The following LARP4 variants were observed in gnomAD, a reference collection of about 807,000 sequenced individuals.
The protein encoded by LARP4 is La ribonucleoprotein 4, also known as la-related protein 4.
Under a neutral mutation model 92.9 loss-of-function variants are expected in LARP4, and 29 were observed. That is an observed-to-expected ratio of 0.31 (90% CI 0.23 to 0.43). The LOEUF is 0.43. LARP4 is among the 20% of genes least tolerant of loss of function. The pLI, the probability that LARP4 is intolerant of heterozygous loss-of-function variation, is 1.00. For missense variants in LARP4, 732 were observed against 860.0 expected (o/e 0.85, Z 1.86); for synonymous variants, 279 against 284.1 (o/e 0.98, Z 0.18).
chr12:50,421,588 T>C (rs1947800109), intron 1 of LARP4, among the ~76,000 whole-genome samples: 1 of 151,946 alleles, frequency 6.6e-6, no homozygotes, highest in South Asian at 2.1e-4. Flanking sequence ...GAGGTTGCAG[T>C]GAGCCAAGAT....
chr12:50,426,970 TC>T (rs1335982193), intron 1 of LARP4, among the ~76,000 whole-genome samples: 3 of 151,974 alleles, frequency 2.0e-5, no homozygotes, highest in Non-Finnish European at 2.9e-5. Flanking sequence ...ACTCATGAGC[TC>T]AAGTGATCCG....
At chr12:50,404,120 G>C (rs576117388) in intron 1 of LARP4, among the ~76,000 whole-genome samples, 4 of 152,168 alleles carry the variant, frequency 2.6e-5, no homozygotes, top group Non-Finnish European at 4.4e-5. Flanking sequence ...CTAGCTACTC[G>C]GGAGGCTAAG....
intron 1 of LARP4, among the ~76,000 whole-genome samples, chr12:50,423,941 A>G (rs962449881): frequency 1.3e-5 from 2 of 151,790 alleles, no homozygotes; most frequent in Non-Finnish European, 2.9e-5. Context: ...TGTTTAGTAG[A>G]GACAGGGTTT....
rs920673890 is a variant in LARP4 at position 50,400,891 on chromosome 12, G to T, written c.-120G>T. Reference sequence around the variant, plus strand: ...CGGCTGACGGCAGGGGAGGAGCCGGGTCCACTGCCGGGTGGAGGGGCAAGG... The same window carrying T: ...CGGCTGACGGCAGGGGAGGAGCCGGTTCCACTGCCGGGTGGAGGGGCAAGG... On this transcript the variant is annotated 5_prime_UTR_variant, in exon 1 of 16. Coordinates refer to ENST00000398473, the MANE Select transcript of LARP4 (RefSeq NM_052879.5). The T allele has an allele frequency of 1.5e-6, 2 of 1,365,300 alleles. No homozygotes were observed. The highest frequency in any genetic ancestry group is 2.1e-6 in the Non-Finnish European group (2 of 953,432). 84.6% of individuals were successfully genotyped at this position (1,365,300 alleles called of 1,614,324 possible). A position where few individuals can be genotyped will look rare whatever the true frequency, so the allele number is the denominator to read the frequency against.
At chr12:50,473,380 C>CT in intron 13 of LARP4, 35 bp from the exon 14 acceptor site, 2 of 1,556,222 alleles carry the variant, frequency 1.3e-6, no homozygotes, top group Non-Finnish European at 1.8e-6. Context: ...GGAAAAAGGT[C>CT]TAAGTGTAAT....
At chr12:50,427,959 G>A in intron 2 of LARP4, 50 bp downstream of exon 2, 1 of 1,284,428 alleles carries the variant, frequency 7.8e-7, no homozygotes, top group East Asian at 2.5e-5. Context: ...TTAAATGTAT[G>A]GCCAAGCAAG....
At chr12:50,469,725 G>A (rs181952367) in intron 13 of LARP4, among the ~76,000 whole-genome samples, 90 of 151,220 alleles carry the variant, frequency 6.0e-4, no homozygotes, top group East Asian at 2.7e-3. Flanking sequence ...CCTGGCCAAC[G>A]TGGTGAAACC....
At position 50,421,320 on chromosome 12, in the gene LARP4, A is replaced by T. The variant is rs1239805634; in HGVS notation, c.19-6442A>T. On this transcript the variant is annotated intron_variant, in intron 1 of 15. Transcript: ENST00000398473. ...TAGATGCAATAATCTTAAGTTTCAT[A>T]TTTTTTTATGACTCAAAGCAGCATT... 3 of 977,380 alleles carry T rather than the reference A, an allele frequency of 3.1e-6. No homozygotes were observed. In the African/African-American group the frequency reaches 5.3e-5, roughly 17 times the overall value. The allele number at this position is 977,380 out of a possible 1,614,324, so 60.5% of individuals were successfully genotyped here. A position where few individuals can be genotyped will look rare whatever the true frequency, so the allele number is the denominator to read the frequency against.
intron 13 of LARP4, 128 bp downstream of exon 13, chr12:50,467,248 A>C (rs1956262145): frequency 3.0e-6 from 2 of 656,834 alleles, no homozygotes; most frequent in Non-Finnish European, 4.9e-6. Context: ...TGGAGTTTTC[A>C]GCATACTTAG....
At chr12:50,432,937 G>A (rs1211256905) in intron 4 of LARP4, among the ~76,000 whole-genome samples, 1 of 151,278 alleles carries the variant, frequency 6.6e-6, no homozygotes. Context: ...GCTTGCACTG[G>A]GACTTAATCA....
chr12:50,459,930 A>T (rs557149262), intron 10 of LARP4, among the ~76,000 whole-genome samples: 1 of 151,926 alleles, frequency 6.6e-6, no homozygotes, highest in Admixed American at 6.6e-5. Flanking sequence ...CGAGGTCAAG[A>T]GTTCAAGACC....
At position 50,472,269 on chromosome 12, in the gene LARP4, CTCCAGAACT is replaced by C. The variant is rs1009579924; in HGVS notation, c.1546-1144_1546-1136del. ...ACCTTTACATGGTTGTGCACCTAAG[CTCCAGAACT>C]TACAATCTTTCAAGACTAAAACTCT... On this transcript the variant is annotated intron_variant, in intron 13 of 15. Transcript: ENST00000398473. 4.6e-5 allele frequency among the ~76,000 whole-genome samples: 7 copies of C among 152,288 alleles called. 1 individual carries two copies. In the Middle Eastern group the frequency reaches 0.02, roughly 444 times the overall value.
At chr12:50,465,381 A>AG (rs1422483837) in intron 12 of LARP4, among the ~76,000 whole-genome samples, 2 of 151,496 alleles carry the variant, frequency 1.3e-5, no homozygotes, top group Non-Finnish European at 2.9e-5. Flanking sequence ...CAAAAAAAAA[A>AG]AAAAAAAAGA....
chr12:50,473,493 A>ATG lies in LARP4; in HGVS notation c.1625_1626dup (p.Ser543Ter), dbSNP rs2139166374. ...ATGCACTTCTGCCCAGCAACTCAAT[A>ATG]TGAGTACCAGTTCTCCATGTGCTGC... On this transcript the variant is annotated frameshift_variant, in exon 14 of 16. Transcript: ENST00000398473. LOFTEE classifies it high-confidence loss of function. 6.2e-7 allele frequency: 1 copy of ATG among 1,613,428 alleles called. No homozygotes were observed. Among genetic ancestry groups the ATG allele is most frequent in the East Asian group, 2.2e-5 (1 of 44,842 alleles).
chr12:50,414,316 TC>T (rs1187904560), intron 1 of LARP4, among the ~76,000 whole-genome samples: 1 of 152,192 alleles, frequency 6.6e-6, no homozygotes, highest in Non-Finnish European at 1.5e-5. Flanking sequence ...GTTGTTGTGT[TC>T]TGTTGAGACG....
At chr12:50,452,700 T>C (rs1200671678) in intron 8 of LARP4, among the ~76,000 whole-genome samples, 1 of 152,228 alleles carries the variant, frequency 6.6e-6, no homozygotes, top group Non-Finnish European at 1.5e-5. Context: ...TTTTTACATA[T>C]GCCTGCATTT....
chr12:50,419,666 G>T (rs1004746444), intron 1 of LARP4, among the ~76,000 whole-genome samples: 6 of 152,054 alleles, frequency 3.9e-5, no homozygotes, highest in Non-Finnish European at 8.8e-5. Flanking sequence ...CAGCACTTTC[G>T]GAGACCAAGG....
intron 12 of LARP4, among the ~76,000 whole-genome samples, chr12:50,465,418 A>G (rs900059395): frequency 6.6e-6 from 1 of 151,672 alleles, no homozygotes; most frequent in Non-Finnish European, 1.5e-5. Context: ...TTTATTCAAT[A>G]TGTTGTAAAT....
intron 2 of LARP4, 124 bp from the exon 3 acceptor site, chr12:50,428,811 T>TG: frequency 1.5e-6 from 1 of 668,628 alleles, no homozygotes; most frequent in African/African-American, 1.8e-5. Flanking sequence ...CTTAAAACCA[T>TG]GCGGACATAT....
Sources: gnomAD v4.1 joint callset for allele counts (sites outside exome capture counted in the v4.1 genomes callset) on GRCh38, gnomAD v4.1.1 for gene constraint, MANE v1.5 for transcripts, NCBI Gene and HGNC (gene_info 2026-07-23, HGNC 2026-07-21) for gene names.